Variants in PELP1 observed in about 807,000 individuals in gnomAD.
PELP1 encodes the protein proline, glutamate and leucine rich protein 1, also known as proline-, glutamic acid- and leucine-rich protein 1.
PELP1 carries 32 observed loss-of-function variants against 95.5 expected under a neutral mutation model. The ratio of observed to expected loss-of-function variants is 0.34; its 90% CI spans 0.25 to 0.45. The LOEUF (loss-of-function observed/expected upper bound fraction) is 0.45, where lower values mean the gene tolerates loss of function less well. Among genes scored for constraint, PELP1 ranks in the 20% least tolerant of loss-of-function variants. PELP1 has a pLI of 1.00. For synonymous variants in PELP1, 668 were observed against 600.1 expected (o/e 1.11, Z -1.65); for missense variants, 1,358 against 1,444.8 (o/e 0.94, Z 0.97).
rs1912168475 is a variant in PELP1 at position 4,670,860 on chromosome 17, A to G, written c.*579T>C. ...TCATTAGGAGGACTAGCCCCAAAAC[A>G]GAGGTCATTCCCAACGTACCCACTA... On this transcript the variant is annotated 3_prime_UTR_variant, in exon 17 of 17. Transcript: ENST00000572293. 6.5e-6 allele frequency: 1 copy of G among 153,406 alleles called. No homozygotes were observed. Among genetic ancestry groups the G allele is most frequent in the Non-Finnish European group, 1.4e-5 (1 of 68,968 alleles). 9.5% of individuals were successfully genotyped at this position (153,406 alleles called of 1,614,324 possible).
chr17:4,688,836 C>T (rs1369331897), intron 3 of PELP1, among the ~76,000 whole-genome samples: 3 of 152,058 alleles, frequency 2.0e-5, no homozygotes, highest in Admixed American at 6.6e-5. Flanking sequence ...TCACAGAACT[C>T]GAAAAAACAA....
At position 4,703,882 on chromosome 17, in the gene PELP1, C is replaced by G; in HGVS notation, c.230G>C (p.Gly77Ala). Reference sequence around the variant, plus strand: ...ACTCACCTGGGCCCCGCCCACCGACCCATGCAGCCGCAATAGGCACATGAG... The same window carrying G: ...ACTCACCTGGGCCCCGCCCACCGACGCATGCAGCCGCAATAGGCACATGAG... ...PGLMCLLRLH[G>A]SVGGAQNLSA... The change falls in exon 1 of 17, where the codon GGG becomes GCG. Residue 77 changes from glycine to alanine, a missense_variant. Transcript: ENST00000572293. The G allele has an allele frequency of 1.2e-6, 2 of 1,612,402 alleles. No individual in the cohort carries two copies. Among genetic ancestry groups the G allele is most frequent in the Non-Finnish European group, 1.7e-6 (2 of 1,179,318 alleles).
At position 4,691,987 on chromosome 17, in the gene PELP1, G is replaced by A. The variant is rs1713081208; in HGVS notation, c.250-545C>T. 2.6e-5 allele frequency among the ~76,000 whole-genome samples: 4 copies of A among 152,150 alleles called. No homozygotes were observed. The South Asian group carries it at 8.3e-4, about 32-fold the overall frequency. ...AAGATGTTTCCTCATCAGCCCCCCA[G>A]GTAACCTCTCCATGCCCCAAATGGC... On this transcript the variant is annotated intron_variant, in intron 1 of 16. Transcript: ENST00000572293.
chr17:4,676,786 A>G lies in PELP1; in HGVS notation c.669T>C (p.Ser223=), dbSNP rs775812910. 6.4e-7 allele frequency: 1 copy of G among 1,570,508 alleles called. No homozygotes were observed. The highest frequency in any genetic ancestry group is 8.6e-7 in the Non-Finnish European group (1 of 1,157,388). The part of the protein sequence containing the change: ...LKGKLASFFL[S]RVDALSPQLQ... ...GCTGAGGGCTCAAGGCATCCACCCTAGACAGAAAAAATGAGGCCAGCTTGC... is the reference window on the plus strand; with the variant it reads ...GCTGAGGGCTCAAGGCATCCACCCTGGACAGAAAAAATGAGGCCAGCTTGC... Residue 223 remains serine, a synonymous_variant, in exon 6 of 17, where the codon TCT becomes TCC. Transcript: ENST00000572293.
At chr17:4,690,074 C>A (rs918444365) in intron 3 of PELP1, among the ~76,000 whole-genome samples, 1 of 151,980 alleles carries the variant, frequency 6.6e-6, no homozygotes, top group African/African-American at 2.4e-5. Flanking sequence ...TGTATATATA[C>A]CATGGAATAC....
chr17:4,671,658 C>T (rs1385515389), intron 16 of PELP1, 33 bp downstream of exon 16: 5 of 1,600,300 alleles, frequency 3.1e-6, no homozygotes, highest in Admixed American at 1.8e-5. Context: ...CCCACCTTCT[C>T]GCCCAAGGAA....
In PELP1 at chr17:4,703,629, C is replaced by T. The variant is rs547987049; in HGVS notation, c.249+234G>A. ...CTGGAACCTAATCGATTCCTGTGTG[C>T]CGACCAATAGCCTAACAACAGAAAA... is the stretch of plus-strand genomic sequence containing the variant. On this transcript the variant is annotated intron_variant, in intron 1 of 16. Transcript: ENST00000572293. Among the ~76,000 whole-genome samples the T allele has an allele frequency of 2.0e-5, 3 of 152,318 alleles. No individual in the cohort carries two copies. In the South Asian group the frequency reaches 6.2e-4, roughly 32 times the overall value.
In PELP1 at chr17:4,704,112, C is replaced by G; in HGVS notation, c.-1G>C. On this transcript the variant is annotated 5_prime_UTR_variant, in exon 1 of 17. Transcript: ENST00000572293. The stretch of plus-strand genomic sequence containing the variant: ...GCCCACTCAGAACGGCTGCCGCCAT[C>G]TTCCCCCGGGTTCCAGTGGTGGCGT... 3 of 1,605,340 alleles carry G rather than the reference C, an allele frequency of 1.9e-6. No homozygotes were observed. Among genetic ancestry groups the G allele is most frequent in the Non-Finnish European group, 2.5e-6 (3 of 1,177,704 alleles).
At chr17:4,685,826 G>T (rs1407146564) in intron 3 of PELP1, among the ~76,000 whole-genome samples, 1 of 150,260 alleles carries the variant, frequency 6.7e-6, no homozygotes, top group Non-Finnish European at 1.5e-5. Flanking sequence ...GCTGGGCTTG[G>T]TAGCTCACAC....
rs1567661707 is a variant in PELP1 at position 4,675,778 on chromosome 17, GATGACAA to G, written c.1068+12_1068+18del. 6 of 1,527,974 alleles carry G rather than the reference GATGACAA, an allele frequency of 3.9e-6. No individual in the cohort carries two copies. The highest frequency in any genetic ancestry group is 5.3e-6 in the Non-Finnish European group (6 of 1,122,478). 94.7% of individuals were successfully genotyped at this position (1,527,974 alleles called of 1,614,324 possible). A position where few individuals can be genotyped will look rare whatever the true frequency, so the allele number is the denominator to read the frequency against. On this transcript the variant is annotated intron_variant, in intron 9 of 16. Coordinates refer to ENST00000572293, the MANE Select transcript of PELP1 (RefSeq NM_014389.3). The surrounding 1 kb of genome is among the most constrained non-coding windows in gnomAD (Gnocchi z 4.3). ...GTATCCTGAGCAAGGGCTCTGAAGAGATGACAAATCCCACTTACAATATTCTTGCTAC... is the reference window on the plus strand; with the variant it reads ...GTATCCTGAGCAAGGGCTCTGAAGAGATCCCACTTACAATATTCTTGCTAC...
chr17:4,682,717 C>A, intron 4 of PELP1, 86 bp downstream of exon 4: 2 of 1,461,356 alleles, frequency 1.4e-6, no homozygotes, highest in Non-Finnish European at 9.3e-7. Flanking sequence ...ATCCTATTCC[C>A]CAGTCACTTC....
chr17:4,703,308 C>A (rs1913621139), intron 1 of PELP1, among the ~76,000 whole-genome samples: 1 of 152,186 alleles, frequency 6.6e-6, no homozygotes. Context: ...CCCTACCCAA[C>A]CCCTATTCAT....
chr17:4,697,832 G>A (rs1437981129), intron 1 of PELP1, among the ~76,000 whole-genome samples: 1 of 151,830 alleles, frequency 6.6e-6, no homozygotes, highest in East Asian at 1.9e-4. Context: ...ATGAGTGGGT[G>A]AAAGGTTGAC....
chr17:4,672,954 T>C lies in PELP1; in HGVS notation c.2037A>G (p.Ser679=). Residue 679 remains serine (S), a synonymous_variant, in exon 16 of 17, where the codon TCA becomes TCG. Coordinates refer to ENST00000572293, the MANE Select transcript of PELP1 (RefSeq NM_014389.3). ...GGCCTGCTGAAGGCATGGGGCCTGC[T>C]GAGGGCATGGAGCCCACTGAGGGCA... ...GPMPSVGSMP[S]AGPMPSAGPM... The C allele has an allele frequency of 6.2e-7, 1 of 1,602,732 alleles. No homozygotes were observed. Among genetic ancestry groups the C allele is most frequent in the South Asian group, 1.1e-5 (1 of 89,502 alleles).
At chr17:4,691,670 C>T (rs906453) in intron 1 of PELP1, 382,197 of 554,984 alleles carry the variant, frequency 0.69, 135,171 homozygotes, top group East Asian at 0.84. Context: ...TCCTTCCCTC[C>T]ATGCCCCACC....
Position 4,675,847 on chromosome 17 carries a change from C to G in PELP1, c.1018G>C (p.Glu340Gln), listed in dbSNP as rs202103952. The G allele has an allele frequency of 6.3e-6, 10 of 1,592,126 alleles. No individual in the cohort carries two copies. Among genetic ancestry groups the G allele is most frequent in the Non-Finnish European group, 8.6e-6 (10 of 1,169,358 alleles). The change falls in exon 9 of 17, where the codon GAA becomes CAA. Residue 340 changes from glutamate (E) to glutamine (Q), a missense_variant. Glu to Gln is a conservative substitution (Grantham distance 29). This residue lies in a region of PELP1 where 538 missense variants were observed against 628.1 expected (regional missense o/e 0.86). Coordinates refer to ENST00000572293, the MANE Select transcript of PELP1 (RefSeq NM_014389.3). This position sits in a 1 kb window ranked among gnomAD's most constrained non-coding sequence, Gnocchi z 4.3. ...GTCCGGCAGATGAAATCCAGGATTTCCTGCACAGGGACGGACACGGGAGCT... is the reference window on the plus strand; with the variant it reads ...GTCCGGCAGATGAAATCCAGGATTTGCTGCACAGGGACGGACACGGGAGCT... ...FGAPVSVPVQ[E>Q]ILDFICRTLS...
At chr17:4,690,430 T>A (rs567206564) in intron 3 of PELP1, among the ~76,000 whole-genome samples, 31 of 151,862 alleles carry the variant, frequency 2.0e-4, no homozygotes, top group Non-Finnish European at 3.1e-4. Context: ...GAAATAAAAA[T>A]ATATATATAG....
At chr17:4,693,005 C>T (rs563711755) in intron 1 of PELP1, among the ~76,000 whole-genome samples, 1 of 152,112 alleles carries the variant, frequency 6.6e-6, no homozygotes, top group East Asian at 1.9e-4. Context: ...AGCAAAACTC[C>T]ATCTCAAAAA....
intron 1 of PELP1, chr17:4,696,599 G>A (rs1597457826): frequency 6.6e-6 from 1 of 152,120 alleles, no homozygotes; most frequent in African/African-American, 2.4e-5. Context: ...TTTGCTTTTT[G>A]TTTTGCTTTG....
Sources: gnomAD v4.1 joint callset for allele counts (sites outside exome capture counted in the v4.1 genomes callset) on GRCh38, gnomAD v4.1.1 for gene constraint, gnomAD v4.1.1 regional missense constraint, Gnocchi (gnomAD v3.1) non-coding constraint, MANE v1.5 for transcripts, NCBI Gene and HGNC (gene_info 2026-07-23, HGNC 2026-07-21) for gene names.